Variants in BLM observed in about 807,000 individuals in gnomAD.
The protein encoded by BLM is recQ-like DNA helicase BLM.
In BLM, 95 loss-of-function variants were observed where a neutral mutation model predicts 135.3. That is an observed-to-expected ratio of 0.70 (90% confidence interval 0.59 to 0.83). BLM has a LOEUF of 0.83. Ranked by LOEUF, BLM falls within the 40% of genes least tolerant of loss-of-function variation. The pLI, the probability that BLM is intolerant of heterozygous loss-of-function variation, is 0.00. For missense variants in BLM, 1,518 were observed against 1,663.9 expected, an observed-to-expected ratio of 0.91 and a Z score of 1.53; for synonymous variants, 520 against 589.2, an observed-to-expected ratio of 0.88 and a Z score of 1.70.
chr15:90,802,013 G>T (rs1422882568), intron 17 of BLM, among the ~76,000 whole-genome samples: 1 of 151,862 alleles, frequency 6.6e-6, no homozygotes, highest in Non-Finnish European at 1.5e-5. Flanking sequence ...CTGTGATCCC[G>T]CCACTGCACC....
intron 8 of BLM, 43 bp from the exon 9 acceptor site, chr15:90,765,253 G>T: frequency 6.9e-7 from 1 of 1,447,874 alleles, no homozygotes; most frequent in South Asian, 1.1e-5. Context: ...TTCATGCTCT[G>T]AAGACAGAAC....
chr15:90,785,179 T>C (rs922890583), intron 14 of BLM, 98 bp downstream of exon 14: 60 of 1,296,672 alleles, frequency 4.6e-5, no homozygotes, highest in African/African-American at 1.2e-4. Context: ...ACCTTGAAGG[T>C]AGTAAACATC....
At chr15:90,743,268 C>G (rs1009119891) in intron 1 of BLM, among the ~76,000 whole-genome samples, 1 of 151,778 alleles carries the variant, frequency 6.6e-6, no homozygotes, top group Non-Finnish European at 1.5e-5. Context: ...CGTGAGCCAC[C>G]GCTCCTGGCC....
chr15:90,723,808 C>G (rs921571908), intron 1 of BLM, among the ~76,000 whole-genome samples: 1 of 152,092 alleles, frequency 6.6e-6, no homozygotes, highest in African/African-American at 2.4e-5. Context: ...CTCCCCATTT[C>G]CTGAAAGCCC....
chr15:90,767,078 ATTTTT>A, intron 10 of BLM, 55 bp downstream of exon 10: 1 of 1,156,116 alleles, frequency 8.6e-7, no homozygotes, highest in Non-Finnish European at 1.2e-6. Flanking sequence ...GAATACATAT[ATTTTT>A]AAGATTTTAA....
intron 1 of BLM, among the ~76,000 whole-genome samples, chr15:90,740,529 C>G (rs777286129): frequency 7.9e-5 from 12 of 152,162 alleles, no homozygotes; most frequent in Non-Finnish European, 1.3e-4. Context: ...GTGAATAATG[C>G]TCCTGTGAAC....
intron 10 of BLM, among the ~76,000 whole-genome samples, chr15:90,768,454 C>A (rs932838752): frequency 3.3e-5 from 5 of 152,156 alleles, no homozygotes; most frequent in African/African-American, 4.8e-5. Context: ...CTTCTAGGCC[C>A]TGTTATGAAG....
Position 90,751,881 on chromosome 15 carries a change from G to A in BLM, c.894G>A (p.Thr298=), listed in dbSNP as rs762144355. The change falls in exon 4 of 22, where the codon ACG becomes ACA. Residue 298 remains threonine, a synonymous_variant. Coordinates refer to ENST00000355112, the MANE Select transcript of BLM (RefSeq NM_000057.4). ...AATTTGATGATGATGATTATGATAC[G>A]GATTTTGTTCCACCTTCTCCAGAAG... The part of the protein sequence containing the change: ...CIEFDDDDYD[T]DFVPPSPEEI... 16 of 1,612,984 alleles carry A rather than the reference G, an allele frequency of 9.9e-6. No homozygotes were observed. The highest frequency in any genetic ancestry group is 1.7e-4 in the Middle Eastern group (1 of 6,060).
chr15:90,732,088 G>A (rs949213847), intron 1 of BLM, among the ~76,000 whole-genome samples: 2 of 151,844 alleles, frequency 1.3e-5, no homozygotes, highest in Non-Finnish European at 2.9e-5. Flanking sequence ...CCATTTTCTT[G>A]TAACTACTTC....
intron 14 of BLM, among the ~76,000 whole-genome samples, chr15:90,787,715 G>A (rs918683282): frequency 6.6e-6 from 1 of 152,102 alleles, no homozygotes; most frequent in Admixed American, 6.5e-5. Context: ...TTGAGAGGCC[G>A]ATGTGGACGG....
chr15:90,770,397 C>G (rs749140364), intron 12 of BLM, among the ~76,000 whole-genome samples: 10 of 152,130 alleles, frequency 6.6e-5, no homozygotes, highest in Non-Finnish European at 1.3e-4. Flanking sequence ...AGGAGGGTCT[C>G]GATCTCCTGA....
chr15:90,719,702 C>G (rs1033309011), intron 1 of BLM, among the ~76,000 whole-genome samples: 8 of 151,820 alleles, frequency 5.3e-5, no homozygotes, highest in Non-Finnish European at 1.0e-4. Flanking sequence ...TTTTCTGTAT[C>G]TTTATGTAAG....
At position 90,749,979 on chromosome 15, in the gene BLM, C is replaced by T. The variant is rs752961612; in HGVS notation, c.711C>T (p.Cys237=). ...AATGGTTAAGCAGCGATGTGATTTG[C>T]ATCGATGATGGCCCCATTGCTGAAG... ...DSEWLSSDVI[C]IDDGPIAEVH... The change falls in exon 3 of 22, where the codon TGC becomes TGT. Residue 237 remains cysteine, a synonymous_variant. Transcript: ENST00000355112. 7.4e-6 allele frequency: 12 copies of T among 1,614,106 alleles called. No homozygotes were observed. Among genetic ancestry groups the T allele is most frequent in the Non-Finnish European group, 1.0e-5 (12 of 1,180,052 alleles).
chr15:90,776,329 A>C (rs1049204159), intron 12 of BLM, among the ~76,000 whole-genome samples: 10 of 152,334 alleles, frequency 6.6e-5, no homozygotes, highest in South Asian at 4.1e-4. Context: ...CCCTAAAAAA[A>C]AGCTTTACCA....
At chr15:90,789,987 GTTT>G (rs61059865) in intron 14 of BLM, among the ~76,000 whole-genome samples, 28 of 57,354 alleles carry the variant, frequency 4.9e-4, no homozygotes, top group South Asian at 8.3e-4. Flanking sequence ...AGTCCCTGGT[GTTT>G]TTTTTTTTTT....
chr15:90,727,470 G>A (rs957584275), intron 1 of BLM, among the ~76,000 whole-genome samples: 4 of 152,108 alleles, frequency 2.6e-5, no homozygotes, highest in African/African-American at 9.7e-5. Context: ...ATTGGTCCCT[G>A]GCTGTGTCTG....
At chr15:90,770,369 G>T (rs1173557054) in intron 12 of BLM, among the ~76,000 whole-genome samples, 1 of 151,972 alleles carries the variant, frequency 6.6e-6, no homozygotes, top group Non-Finnish European at 1.5e-5. Context: ...GTAGAGACGG[G>T]GTGTCACTGT....
At chr15:90,742,019 T>C (rs1415202404) in intron 1 of BLM, among the ~76,000 whole-genome samples, 1 of 152,194 alleles carries the variant, frequency 6.6e-6, no homozygotes, top group Non-Finnish European at 1.5e-5. Context: ...TGATTCTATA[T>C]ATATGAATCA....
intron 1 of BLM, among the ~76,000 whole-genome samples, chr15:90,733,214 G>A (rs1025421307): frequency 3.3e-5 from 5 of 152,148 alleles, no homozygotes; most frequent in Non-Finnish European, 7.4e-5. Context: ...CACTGACACA[G>A]GATAGTTTTT....
Sources: allele counts gnomAD v4.1 joint callset (sites outside exome capture counted in the v4.1 genomes callset), GRCh38; gene constraint gnomAD v4.1.1; transcripts MANE v1.5; gene names NCBI Gene and HGNC (gene_info 2026-07-23, HGNC 2026-07-21).